The following TBC1D2B variants were observed in gnomAD, a reference collection of about 807,000 sequenced individuals.
TBC1D2B encodes the protein TBC1 domain family member 2B.
In TBC1D2B, 64 loss-of-function variants were observed where a neutral mutation model predicts 100.8. The observed-to-expected ratio is 0.64, with a 90% CI of 0.52 to 0.78. The LOEUF is 0.78. Ranked by LOEUF, TBC1D2B falls within the 30% of genes least tolerant of loss-of-function variation. TBC1D2B has a pLI of 0.00. For synonymous variants in TBC1D2B, 480 were observed against 479.7 expected, an observed-to-expected ratio of 1.00 and a Z score of -0.01; for missense variants, 1,052 against 1,218.4, an observed-to-expected ratio of 0.86 and a Z score of 2.03.
intron 1 of TBC1D2B, 130 bp downstream of exon 1, chr15:78,077,163 G>C (rs1454702838): frequency 8.0e-7 from 1 of 1,252,578 alleles, no homozygotes; most frequent in African/African-American, 1.6e-5. Flanking sequence ...TGGAGAAGCA[G>C]GGAAAGGCAG....
chr15:78,051,249 G>T (rs2073307047), intron 2 of TBC1D2B, among the ~76,000 whole-genome samples: 1 of 152,136 alleles, frequency 6.6e-6, no homozygotes, highest in Admixed American at 6.5e-5. Context: ...CTTTCAAAAT[G>T]ATATCATCTC....
intron 12 of TBC1D2B, among the ~76,000 whole-genome samples, chr15:78,000,411 G>A (rs1567010461): frequency 6.6e-6 from 1 of 152,228 alleles, no homozygotes; most frequent in Non-Finnish European, 1.5e-5. Flanking sequence ...TGGCATGGGC[G>A]AGCTCACTCC....
chr15:78,040,643 A>G (rs1316363715), intron 3 of TBC1D2B, among the ~76,000 whole-genome samples: 1 of 33,650 alleles, frequency 3.0e-5, no homozygotes, highest in South Asian at 5.6e-4. Flanking sequence ...AAAAAGAAAG[A>G]AAGGAAGAGA....
chr15:78,032,283 C>G (rs2072835491), intron 3 of TBC1D2B, among the ~76,000 whole-genome samples: 1 of 152,164 alleles, frequency 6.6e-6, no homozygotes, highest in Non-Finnish European at 1.5e-5. Context: ...AGAAAGGCTA[C>G]TGATGGTATC....
intron 3 of TBC1D2B, among the ~76,000 whole-genome samples, chr15:78,031,231 C>T (rs1403884821): frequency 2.0e-5 from 3 of 152,080 alleles, no homozygotes; most frequent in Admixed American, 6.6e-5. Flanking sequence ...TTGGCCACCT[C>T]TGTAAAGGTA....
chr15:78,009,692 C>T (rs922414577), intron 9 of TBC1D2B, among the ~76,000 whole-genome samples: 5 of 152,040 alleles, frequency 3.3e-5, no homozygotes, highest in African/African-American at 7.2e-5. Context: ...AAGATTTTTG[C>T]GGCTGGGCGC....
intron 10 of TBC1D2B, among the ~76,000 whole-genome samples, chr15:78,007,534 G>A (rs866673531): frequency 3.3e-5 from 5 of 152,206 alleles, no homozygotes; most frequent in African/African-American, 9.7e-5. Context: ...GAGCACAGGC[G>A]GGAACAGGAG....
intron 2 of TBC1D2B, among the ~76,000 whole-genome samples, chr15:78,052,982 A>C (rs1440328601): frequency 1.3e-5 from 2 of 152,256 alleles, no homozygotes; most frequent in Non-Finnish European, 2.9e-5. Context: ...ACTCTCACAG[A>C]AAACATATTA....
At chr15:78,001,797 G>A (rs2071921373) in intron 11 of TBC1D2B, 57 bp from the exon 12 acceptor site, 1 of 1,548,292 alleles carries the variant, frequency 6.5e-7, no homozygotes, top group Non-Finnish European at 8.7e-7. Flanking sequence ...CCAGGCACAA[G>A]GCTGGACTCC....
intron 1 of TBC1D2B, chr15:78,066,014 GA>G (rs1164881493): frequency 6.4e-6 from 3 of 471,066 alleles, no homozygotes; most frequent in Admixed American, 4.7e-5. Flanking sequence ...TGAGGGATCT[GA>G]AAGTACTTAC....
intron 2 of TBC1D2B, among the ~76,000 whole-genome samples, chr15:78,048,439 A>G (rs1219095970): frequency 6.6e-6 from 1 of 152,126 alleles, no homozygotes; most frequent in Non-Finnish European, 1.5e-5. Context: ...ACATGGCAAC[A>G]TTTCCTCGAA....
rs180984377 is a variant in TBC1D2B at position 78,074,144 on chromosome 15, C to G, written c.360+3149G>C. Among the ~76,000 whole-genome samples, 972 of 151,822 alleles carry G rather than the reference C, an allele frequency of 6.4e-3. 19 individuals are homozygous for G. The highest frequency in any genetic ancestry group is 0.022 in the African/African-American group (927 of 41,424). On this transcript the variant is annotated intron_variant, in intron 1 of 12. Coordinates refer to ENST00000300584, the MANE Select transcript of TBC1D2B (RefSeq NM_144572.2). ...GTTCATGCAATTCTCCTGCCTCAGCCTCGCGAGCAGCTGGGACTACAGCGT... is the reference window on the plus strand; with the variant it reads ...GTTCATGCAATTCTCCTGCCTCAGCGTCGCGAGCAGCTGGGACTACAGCGT...
At chr15:78,064,657 C>T (rs528417032) in intron 1 of TBC1D2B, among the ~76,000 whole-genome samples, 6 of 152,166 alleles carry the variant, frequency 3.9e-5, no homozygotes, top group South Asian at 4.2e-4. Flanking sequence ...ACTCTAACCC[C>T]GAATCTGATA....
At chr15:78,007,810 C>T (rs951731678) in intron 10 of TBC1D2B, among the ~76,000 whole-genome samples, 3 of 152,208 alleles carry the variant, frequency 2.0e-5, no homozygotes, top group African/African-American at 7.2e-5. Flanking sequence ...AGAGGACCCA[C>T]CGGACAGGAG....
intron 4 of TBC1D2B, among the ~76,000 whole-genome samples, chr15:78,027,912 C>T (rs899918811): frequency 1.1e-4 from 16 of 152,140 alleles, no homozygotes; most frequent in African/African-American, 3.9e-4. Flanking sequence ...CCACATTCTA[C>T]ACCATGTCAC....
chr15:78,057,655 A>C, intron 1 of TBC1D2B, among the ~76,000 whole-genome samples: 1 of 152,196 alleles, frequency 6.6e-6, no homozygotes, highest in East Asian at 1.9e-4. Flanking sequence ...AAGAAAAAAA[A>C]AAATCTAGAG....
intron 11 of TBC1D2B, among the ~76,000 whole-genome samples, chr15:78,002,239 C>T (rs1363025426): frequency 6.6e-6 from 1 of 152,122 alleles, no homozygotes; most frequent in Non-Finnish European, 1.5e-5. Flanking sequence ...GGCTGGAATG[C>T]AGCAGTGCAA....
intron 8 of TBC1D2B, among the ~76,000 whole-genome samples, chr15:78,014,058 G>A (rs2141661539): frequency 6.6e-6 from 1 of 152,372 alleles, no homozygotes; most frequent in Non-Finnish European, 1.5e-5. Context: ...GGGGGCTCTA[G>A]AAGACGCCAA....
intron 10 of TBC1D2B, among the ~76,000 whole-genome samples, chr15:78,005,684 G>A (rs1456470811): frequency 1.3e-5 from 2 of 152,154 alleles, no homozygotes; most frequent in East Asian, 3.8e-4. Context: ...TGAACTAGGG[G>A]GAGAAAAGCA....
Sources: gnomAD v4.1 joint callset for allele counts (sites outside exome capture counted in the v4.1 genomes callset) on GRCh38, gnomAD v4.1.1 for gene constraint, MANE v1.5 for transcripts, NCBI Gene and HGNC (gene_info 2026-07-23, HGNC 2026-07-21) for gene names.